The following MTUS2 variants were observed in gnomAD, a reference collection of about 807,000 sequenced individuals.
MTUS2 encodes the protein microtubule-associated tumor suppressor candidate 2.
MTUS2 carries 40 observed loss-of-function variants against 114.1 expected under a neutral mutation model. The ratio of observed to expected loss-of-function variants is 0.35; its 90% CI spans 0.27 to 0.46. The LOEUF is 0.46. Ranked by LOEUF, MTUS2 falls within the 20% of genes least tolerant of loss-of-function variation. MTUS2 has a pLI of 1.00. For synonymous variants in MTUS2, 688 were observed against 672.0 expected, an observed-to-expected ratio of 1.02 and a Z score of -0.37; for missense variants, 1,679 against 1,705.4, an observed-to-expected ratio of 0.98 and a Z score of 0.27.
At chr13:28,839,931 C>A (rs749871788) in intron 2 of MTUS2, 81 bp downstream of exon 2, 3 of 148,758 alleles carry the variant, frequency 2.0e-5, no homozygotes, top group Non-Finnish European at 3.0e-5. Flanking sequence ...TTGTTTACTT[C>A]CTTATACTCA....
chr13:28,916,614 A>AT (rs1225115084), intron 2 of MTUS2, among the ~76,000 whole-genome samples: 1 of 149,536 alleles, frequency 6.7e-6, no homozygotes, highest in East Asian at 1.9e-4. Context: ...TTGTATGTTC[A>AT]TTTTCTATTC....
At chr13:29,040,360 C>T (rs1033103172) in intron 4 of MTUS2, among the ~76,000 whole-genome samples, 3 of 152,148 alleles carry the variant, frequency 2.0e-5, no homozygotes, top group African/African-American at 4.8e-5. Context: ...TCTTTATTCA[C>T]TCGTTAATTG....
chr13:29,234,981 CATTTA>C (rs1470253253), intron 5 of MTUS2, among the ~76,000 whole-genome samples: 3 of 152,006 alleles, frequency 2.0e-5, no homozygotes, highest in Non-Finnish European at 2.9e-5. Flanking sequence ...GTCAGTTGAT[CATTTA>C]ATTTAATGCA....
chr13:28,981,462 A>G (rs747755287), intron 2 of MTUS2, among the ~76,000 whole-genome samples: 9 of 152,286 alleles, frequency 5.9e-5, no homozygotes, highest in African/African-American at 9.6e-5. Flanking sequence ...GGACTGTTCT[A>G]TATCTTGACT....
intron 2 of MTUS2, among the ~76,000 whole-genome samples, chr13:28,993,384 A>G (rs11619209): frequency 6.6e-6 from 1 of 152,180 alleles, no homozygotes; most frequent in African/African-American, 2.4e-5. Flanking sequence ...CAGTTTCTTT[A>G]CATCTTAGCC....
chr13:29,370,310 G>A (rs1160907322), intron 8 of MTUS2, among the ~76,000 whole-genome samples: 1 of 152,160 alleles, frequency 6.6e-6, no homozygotes, highest in Admixed American at 6.5e-5. Flanking sequence ...TTTAAGATGT[G>A]ATTCGGCTGG....
chr13:29,499,357 A>T (rs1882745899), intron 14 of MTUS2, among the ~76,000 whole-genome samples: 1 of 152,168 alleles, frequency 6.6e-6, no homozygotes, highest in South Asian at 2.1e-4. Context: ...AGTGGAGGAG[A>T]AGCCTCCTTC....
intron 5 of MTUS2, among the ~76,000 whole-genome samples, chr13:29,213,008 G>A (rs183152648): frequency 6.4e-4 from 97 of 151,958 alleles, no homozygotes; most frequent in African/African-American, 2.2e-3. Flanking sequence ...AAGAGAGTCT[G>A]TCATTAGAGT....
chr13:28,983,695 C>T (rs1213184719), intron 2 of MTUS2, among the ~76,000 whole-genome samples: 1 of 152,168 alleles, frequency 6.6e-6, no homozygotes. Flanking sequence ...TTCTTGGGTC[C>T]CACCCCAGGC....
At position 29,026,290 on chromosome 13, in the gene MTUS2, A is replaced by G. The variant is rs778966625; in HGVS notation, c.1592A>G (p.Asn531Ser). 7 of 1,613,856 alleles carry G rather than the reference A, an allele frequency of 4.3e-6. No individual in the cohort carries two copies. The African/African-American group carries it at 5.3e-5, about 12-fold the overall frequency. The change falls in exon 3 of 16, where the codon AAT (asparagine) becomes AGT (serine). Residue 531 changes from asparagine to serine, a missense_variant. By Grantham distance (46) the Asn-to-Ser change is conservative. Transcript: ENST00000612955. ...STSARADSVL[N>S]IPAPLHPETT... ...TCAGCAAGAGCAGATTCAGTTCTCA[A>G]TATTCCAGCACCCCTCCACCCAGAG...
chr13:28,985,967 C>T (rs1053046466), intron 2 of MTUS2, among the ~76,000 whole-genome samples: 11 of 152,164 alleles, frequency 7.2e-5, no homozygotes, highest in African/African-American at 2.4e-4. Context: ...CATAATTGTG[C>T]GAGCTAATTC....
chr13:29,483,438 C>T (rs143638036), intron 10 of MTUS2, among the ~76,000 whole-genome samples: 284 of 152,294 alleles, frequency 1.9e-3, no homozygotes, highest in African/African-American at 6.3e-3. Flanking sequence ...GCATGTGCTC[C>T]GGCTACACAG....
At chr13:28,894,587 A>G (rs994039769) in intron 2 of MTUS2, among the ~76,000 whole-genome samples, 3 of 152,204 alleles carry the variant, frequency 2.0e-5, no homozygotes, top group South Asian at 2.1e-4. Flanking sequence ...TGACCAATAC[A>G]GTGCTACCAT....
intron 4 of MTUS2, among the ~76,000 whole-genome samples, chr13:29,037,124 G>T (rs1479863934): frequency 6.6e-6 from 1 of 152,156 alleles, no homozygotes; most frequent in Non-Finnish European, 1.5e-5. Flanking sequence ...TTACAATTTG[G>T]TATGTTTTTG....
chr13:29,035,293 G>A (rs1887011428), intron 4 of MTUS2, among the ~76,000 whole-genome samples: 1 of 152,194 alleles, frequency 6.6e-6, no homozygotes. Flanking sequence ...ACACTGATGG[G>A]TATCACTCCT....
chr13:29,411,977 A>G (rs963201015), intron 8 of MTUS2, among the ~76,000 whole-genome samples: 1 of 152,142 alleles, frequency 6.6e-6, no homozygotes, highest in African/African-American at 2.4e-5. Context: ...TTTATCATTC[A>G]CTGTTGATTT....
At chr13:29,240,601 A>G (rs916317149) in intron 5 of MTUS2, among the ~76,000 whole-genome samples, 2 of 152,202 alleles carry the variant, frequency 1.3e-5, no homozygotes, top group African/African-American at 4.8e-5. Flanking sequence ...ATAAAAAATA[A>G]AGTATTATTT....
chr13:28,896,923 A>G (rs1879309262), intron 2 of MTUS2, among the ~76,000 whole-genome samples: 2 of 152,226 alleles, frequency 1.3e-5, no homozygotes, highest in Non-Finnish European at 2.9e-5. Flanking sequence ...TAAGACTTAC[A>G]TGTTAGACCT....
chr13:28,913,982 A>G (rs1880602787), intron 2 of MTUS2, among the ~76,000 whole-genome samples: 1 of 151,632 alleles, frequency 6.6e-6, no homozygotes, highest in Admixed American at 6.6e-5. Flanking sequence ...TTCTGATTGT[A>G]TCTATTTTAT....
Sources: allele counts gnomAD v4.1 joint callset (sites outside exome capture counted in the v4.1 genomes callset), GRCh38; gene constraint gnomAD v4.1.1; transcripts MANE v1.5; gene names NCBI Gene and HGNC (gene_info 2026-07-23, HGNC 2026-07-21).